The following ETV1 variants were observed in gnomAD, a reference collection of about 807,000 sequenced individuals.
The protein encoded by ETV1 is ETS variant transcription factor 1, also known as ETS translocation variant 1.
In ETV1, 27 loss-of-function variants were observed where a neutral mutation model predicts 62.3. That is an observed-to-expected ratio of 0.43 (90% CI 0.32 to 0.60). The LOEUF (loss-of-function observed/expected upper bound fraction) is 0.60, where lower values mean the gene tolerates loss of function less well. Ranked by LOEUF, ETV1 falls within the 20% of genes least tolerant of loss-of-function variation. ETV1 has a pLI of 0.06. For missense variants in ETV1, 605 were observed against 605.8 expected, an observed-to-expected ratio of 1.00 and a Z score of 0.01; for synonymous variants, 222 against 199.6, an observed-to-expected ratio of 1.11 and a Z score of -0.94.
In ETV1 at chr7:13,895,705, T is replaced by C. The variant is rs571756219; in HGVS notation, c.*161A>G. On this transcript the variant is annotated 3_prime_UTR_variant, in exon 14 of 14. Transcript: ENST00000430479. ...ACCCTCAAATAAAGTGCACAGTCCA[T>C]GGCAGACCATAGAATAATGCAACAG... 2.1e-5 allele frequency: 13 copies of C among 630,500 alleles called. No individual in the cohort carries two copies. The highest frequency in any genetic ancestry group is 1.7e-4 in the African/African-American group (9 of 54,418). The allele number at this position is 630,500 out of a possible 1,614,324, so 39.1% of individuals were successfully genotyped here. A position where few individuals can be genotyped will look rare whatever the true frequency, so the allele number is the denominator to read the frequency against.
At chr7:13,935,393 G>C (rs920542813) in intron 8 of ETV1, among the ~76,000 whole-genome samples, 15 of 152,080 alleles carry the variant, frequency 9.9e-5, no homozygotes, top group Admixed American at 9.8e-4. Context: ...CATAAAAATG[G>C]GATGATCTGA....
At position 13,967,636 on chromosome 7, in the gene ETV1, A is replaced by G. The variant is rs145161009; in HGVS notation, c.235+9791T>C. On this transcript the variant is annotated intron_variant, in intron 6 of 13. Coordinates refer to ENST00000430479, the MANE Select transcript of ETV1 (RefSeq NM_004956.5). ...ACCAACTCTCATTAGGAAAAAATTC[A>G]GTAACAGACAGAAGCAAATATGCAT... Among the ~76,000 whole-genome samples, 10 of 152,268 alleles carry G rather than the reference A, an allele frequency of 6.6e-5. No individual in the cohort carries two copies. In the East Asian group the frequency reaches 1.9e-3, roughly 29 times the overall value.
At chr7:13,907,778 C>G (rs1213984827) in intron 11 of ETV1, 4 of 465,158 alleles carry the variant, frequency 8.6e-6, no homozygotes, top group Admixed American at 2.4e-5. Flanking sequence ...AAATTGCACA[C>G]TTTCTAAAAC....
rs1394133853 is a variant in ETV1 at position 13,893,306 on chromosome 7, G to A, written c.*2560C>T. Reference sequence around the variant, plus strand: ...AGCTGCCAGATTTATTAATCTACCTGAAAACAAAAACATAAAAACTCAACC... The same window carrying A: ...AGCTGCCAGATTTATTAATCTACCTAAAAACAAAAACATAAAAACTCAACC... On this transcript the variant is annotated 3_prime_UTR_variant, in exon 14 of 14. Transcript: ENST00000430479. 1 of 231,528 alleles carries A rather than the reference G, an allele frequency of 4.3e-6. No homozygotes were observed. The highest frequency in any genetic ancestry group is 6.1e-5 in the East Asian group (1 of 16,262). The allele number at this position is 231,528 out of a possible 1,614,324, so 14.3% of individuals were successfully genotyped here.
At chr7:13,943,486 CTACTCTATGATCCATTAA>C in intron 6 of ETV1, among the ~76,000 whole-genome samples, 1 of 152,260 alleles carries the variant, frequency 6.6e-6, no homozygotes, top group South Asian at 2.1e-4. Context: ...CAAGAGAAAT[CTACTCTATGATCCATTAA>C]TACACCCTTA....
chr7:13,907,952 G>T, intron 11 of ETV1: 6 of 374,114 alleles, frequency 1.6e-5, no homozygotes, highest in Non-Finnish European at 2.2e-5. Flanking sequence ...TCTTCATATC[G>T]ATTTCAATGA....
chr7:13,974,586 A>G (rs544363628), intron 6 of ETV1, among the ~76,000 whole-genome samples: 12 of 152,360 alleles, frequency 7.9e-5, no homozygotes, highest in African/African-American at 2.9e-4. Flanking sequence ...TAGGTGTGTG[A>G]ACTAAAACAA....
At position 13,931,687 on chromosome 7, in the gene ETV1, T is replaced by A. The variant is rs1425958431; in HGVS notation, c.617A>T (p.Glu206Val). 17 of 1,613,578 alleles carry A rather than the reference T, an allele frequency of 1.1e-5. No individual in the cohort carries two copies. The highest frequency in any genetic ancestry group is 1.4e-5 in the Non-Finnish European group (17 of 1,179,718). Residue 206 changes from glutamate to valine, a missense_variant, in exon 9 of 14, where the codon GAA becomes GTA. Coordinates refer to ENST00000430479, the MANE Select transcript of ETV1 (RefSeq NM_004956.5). The part of the protein sequence containing the change: ...SFPPLPTMPR[E>V]GRPMYQRQMS... ...CTGGCGTTGGTACATAGGACGTCCT[T>A]CCCTTGGCATCGTCGGCAAAGGAGG...
chr7:13,950,112 T>C (rs989757395), intron 6 of ETV1, among the ~76,000 whole-genome samples: 1 of 152,128 alleles, frequency 6.6e-6, no homozygotes, highest in Admixed American at 6.5e-5. Flanking sequence ...GTTTCAGGAT[T>C]GAGCCAGTGT....
At chr7:13,912,637 C>G (rs1268516142) in intron 9 of ETV1, among the ~76,000 whole-genome samples, 1 of 152,094 alleles carries the variant, frequency 6.6e-6, no homozygotes, top group African/African-American at 2.4e-5. Flanking sequence ...TGTGTTTTTG[C>G]CAATTGCTGT....
chr7:13,976,809 A>G (rs1781493797), intron 6 of ETV1, among the ~76,000 whole-genome samples: 1 of 152,200 alleles, frequency 6.6e-6, no homozygotes, highest in Admixed American at 6.5e-5. Flanking sequence ...GCATTCTCTG[A>G]CAGACCCAGG....
rs2128513984 is a variant in ETV1, at chr7:13,986,561, A to T, written c.181+77T>A. On this transcript the variant is annotated intron_variant, in intron 5 of 13. Coordinates refer to ENST00000430479, the MANE Select transcript of ETV1 (RefSeq NM_004956.5). ...GCTCAATTAATTGGGCTGAATATTA[A>T]GACAGCAAGTTCAGGACTTCTTTTC... 4.4e-6 allele frequency: 7 copies of T among 1,597,676 alleles called. No homozygotes were observed. In the South Asian group the frequency reaches 8.0e-5, roughly 18 times the overall value.
intron 6 of ETV1, among the ~76,000 whole-genome samples, chr7:13,944,480 T>A (rs1449118255): frequency 2.0e-5 from 3 of 151,900 alleles, no homozygotes; most frequent in Non-Finnish European, 4.4e-5. Context: ...CATAACCTAA[T>A]CACTTCCCAA....
At chr7:13,957,108 A>T (rs1251097450) in intron 6 of ETV1, among the ~76,000 whole-genome samples, 2 of 151,828 alleles carry the variant, frequency 1.3e-5, no homozygotes, top group South Asian at 2.1e-4. Flanking sequence ...TTTTTTGAGA[A>T]GGAGTCTCGC....
chr7:13,981,935 G>C (rs1011211547), intron 5 of ETV1, among the ~76,000 whole-genome samples: 1 of 152,010 alleles, frequency 6.6e-6, no homozygotes, highest in Non-Finnish European at 1.5e-5. Context: ...AGTCCACTAA[G>C]CTTGGTTTTA....
chr7:13,966,069 T>A lies in ETV1; in HGVS notation c.235+11358A>T, dbSNP rs186082200. Among the ~76,000 whole-genome samples the A allele has an allele frequency of 2.3e-4, 35 of 152,294 alleles. No individual in the cohort carries two copies. In the East Asian group the frequency reaches 5.4e-3, roughly 24 times the overall value. ...TGTATTGGCACATAAAATTTGTTAA[T>A]TCTGACTAAGATAATCAAGGGAAAA... On this transcript the variant is annotated intron_variant, in intron 6 of 13. Transcript: ENST00000430479.
In ETV1 at chr7:13,900,629, T is replaced by C. The variant is rs941288590; in HGVS notation, c.1212+109A>G. 1.5e-5 allele frequency: 11 copies of C among 730,728 alleles called. No individual in the cohort carries two copies. The East Asian group carries it at 3.1e-4, about 21-fold the overall frequency. The allele number at this position is 730,728 out of a possible 1,614,324, so 45.3% of individuals were successfully genotyped here. ...ACCAAGAGCTAAGCATTTGTTAAAA[T>C]GAGTGAAAAACTCGCTTCAGCAATG... On this transcript the variant is annotated intron_variant, in intron 13 of 13. Coordinates refer to ENST00000430479, the MANE Select transcript of ETV1 (RefSeq NM_004956.5).
chr7:13,973,316 G>A (rs1196957141), intron 6 of ETV1, among the ~76,000 whole-genome samples: 1 of 152,104 alleles, frequency 6.6e-6, no homozygotes, highest in East Asian at 1.9e-4. Flanking sequence ...TATCCCCATA[G>A]AATTTACAGA....
Position 13,895,060 on chromosome 7 carries a change from G to A in ETV1, c.*806C>T. 1 of 233,300 alleles carries A rather than the reference G, an allele frequency of 4.3e-6. No homozygotes were observed. The highest frequency in any genetic ancestry group is 8.5e-6 in the Non-Finnish European group (1 of 117,864). The allele number at this position is 233,300 out of a possible 1,614,324, so 14.5% of individuals were successfully genotyped here. On this transcript the variant is annotated 3_prime_UTR_variant, in exon 14 of 14. Transcript: ENST00000430479. ...TTAAATGAAGATTCCAAAGGACCATGACATGTCATTATTTAACTGAAATGG... is the reference window on the plus strand; with the variant it reads ...TTAAATGAAGATTCCAAAGGACCATAACATGTCATTATTTAACTGAAATGG...
Sources: gnomAD v4.1 joint callset for allele counts (sites outside exome capture counted in the v4.1 genomes callset) on GRCh38, gnomAD v4.1.1 for gene constraint, MANE v1.5 for transcripts, NCBI Gene and HGNC (gene_info 2026-07-23, HGNC 2026-07-21) for gene names.